Variants in TRIM24 observed in about 807,000 individuals in gnomAD.
TRIM24 encodes the protein tripartite motif containing 24.
TRIM24 carries 29 observed loss-of-function variants against 123.9 expected under a neutral mutation model. The observed-to-expected ratio is 0.23, with a 90% confidence interval of 0.17 to 0.32. TRIM24 has a LOEUF of 0.32. Ranked by LOEUF, TRIM24 falls within the 10% of genes least tolerant of loss-of-function variation. TRIM24 has a pLI of 1.00. For missense variants in TRIM24, 932 were observed against 1,295.3 expected, an observed-to-expected ratio of 0.72 and a Z score of 4.31; for synonymous variants, 456 against 461.1, an observed-to-expected ratio of 0.99 and a Z score of 0.14.
At chr7:138,480,190 C>G (rs1159546944) in intron 1 of TRIM24, among the ~76,000 whole-genome samples, 4 of 152,092 alleles carry the variant, frequency 2.6e-5, no homozygotes, top group Non-Finnish European at 4.4e-5. Context: ...TCTTGAACTC[C>G]TGAGGTCAAG....
intron 1 of TRIM24, among the ~76,000 whole-genome samples, chr7:138,464,817 T>A (rs555141914): frequency 3.9e-5 from 6 of 152,280 alleles, no homozygotes; most frequent in Admixed American, 3.3e-4. Context: ...TAAAAAAAAT[T>A]TAGATTTTTA....
At chr7:138,561,283 G>A (rs1250343060) in intron 9 of TRIM24, among the ~76,000 whole-genome samples, 1 of 152,114 alleles carries the variant, frequency 6.6e-6, no homozygotes, top group Non-Finnish European at 1.5e-5. Flanking sequence ...GCTTCCATCT[G>A]TAAAGTATTC....
At chr7:138,527,808 T>G (rs1204057696) in intron 5 of TRIM24, among the ~76,000 whole-genome samples, 1 of 152,172 alleles carries the variant, frequency 6.6e-6, no homozygotes, top group Admixed American at 6.5e-5. Flanking sequence ...GAGAGACCAG[T>G]AGGTGAAACA....
chr7:138,565,358 G>A (rs1797514598), intron 9 of TRIM24, among the ~76,000 whole-genome samples: 1 of 152,142 alleles, frequency 6.6e-6, no homozygotes, highest in Admixed American at 6.5e-5. Flanking sequence ...ATTCTTATGG[G>A]ACAGGTCCTG....
intron 17 of TRIM24, among the ~76,000 whole-genome samples, chr7:138,582,541 CAAAAAA>C (rs869142815): frequency 1.4e-5 from 1 of 70,042 alleles, no homozygotes; most frequent in Non-Finnish European, 3.1e-5. Flanking sequence ...GACTCCGTCT[CAAAAAA>C]AAAAAAAAAA....
At chr7:138,508,724 T>TGC (rs1554436744) in intron 2 of TRIM24, among the ~76,000 whole-genome samples, 2,114 of 148,742 alleles carry the variant, frequency 0.014, 32 homozygotes, top group Non-Finnish European at 0.022. Context: ...TGTGTGCGTG[T>TGC]GTGTGTGTGT....
At chr7:138,508,726 T>TGTGTGTGTGTGC (rs1584708191) in intron 2 of TRIM24, among the ~76,000 whole-genome samples, 1 of 149,060 alleles carries the variant, frequency 6.7e-6, no homozygotes, top group African/African-American at 2.5e-5. Context: ...TGTGCGTGTG[T>TGTGTGTGTGTGC]GTGTGTGTGT....
chr7:138,486,203 T>C (rs1282974511), intron 1 of TRIM24, among the ~76,000 whole-genome samples: 1 of 152,242 alleles, frequency 6.6e-6, no homozygotes, highest in African/African-American at 2.4e-5. Flanking sequence ...TTTTTTCTTG[T>C]AAATTTACAT....
At position 138,525,375 on chromosome 7, in the gene TRIM24, T is replaced by C. The variant is rs373895629; in HGVS notation, c.881+18T>C. The C allele has an allele frequency of 1.3e-5, 17 of 1,320,022 alleles. No individual in the cohort carries two copies. Among genetic ancestry groups the C allele is most frequent in the East Asian group, 5.3e-5 (2 of 37,654 alleles). The allele number at this position is 1,320,022 out of a possible 1,614,324, so 81.8% of individuals were successfully genotyped here. A position where few individuals can be genotyped will look rare whatever the true frequency, so the allele number is the denominator to read the frequency against. Reference sequence around the variant, plus strand: ...CAAAACAGGTAATTTTATGGTATTATGTAATCATTTTTATATAATTTGTTA... The same window carrying C: ...CAAAACAGGTAATTTTATGGTATTACGTAATCATTTTTATATAATTTGTTA... On this transcript the variant is annotated intron_variant, in intron 5 of 18. Transcript: ENST00000343526.
chr7:138,501,243 A>AT (rs982023226), intron 1 of TRIM24, among the ~76,000 whole-genome samples: 81 of 151,800 alleles, frequency 5.3e-4, no homozygotes, highest in African/African-American at 3.4e-4. Context: ...TTATTTATTT[A>AT]TTTTTTTTGA....
chr7:138,519,485 G>A (rs898639566), intron 4 of TRIM24, among the ~76,000 whole-genome samples, 164 bp downstream of exon 4: 3 of 152,038 alleles, frequency 2.0e-5, no homozygotes, highest in Non-Finnish European at 4.4e-5. Flanking sequence ...TTGATGTTTT[G>A]GGCTAGGTAA....
Position 138,584,846 on chromosome 7 carries a change from G to A in TRIM24, c.3048G>A (p.Arg1016=). The change falls in exon 19 of 19, where the codon AGG becomes AGA. Residue 1016 remains arginine, a synonymous_variant. Coordinates refer to ENST00000343526, the MANE Select transcript of TRIM24 (RefSeq NM_015905.3). The part of the protein sequence containing the change: ...PEKRFPKPEF[R]NESEDNKFSD... ...AAAGGTTTCCCAAACCAGAATTCAG[G>A]AATGAATCAGAAGATAATAAATTTA... 6.2e-7 allele frequency: 1 copy of A among 1,613,658 alleles called. No individual in the cohort carries two copies. The highest frequency in any genetic ancestry group is 1.1e-5 in the South Asian group (1 of 90,966).
At chr7:138,485,687 C>A (rs1007569988) in intron 1 of TRIM24, among the ~76,000 whole-genome samples, 5 of 152,188 alleles carry the variant, frequency 3.3e-5, no homozygotes, top group Admixed American at 1.3e-4. Context: ...TTTTTTATGG[C>A]TGCATAGTAT....
At chr7:138,509,074 G>A (rs112283430) in intron 2 of TRIM24, among the ~76,000 whole-genome samples, 2,113 of 151,834 alleles carry the variant, frequency 0.014, 63 homozygotes, top group African/African-American at 0.049. Context: ...TCAGCCTCCC[G>A]AGTAGCTGGG....
intron 1 of TRIM24, among the ~76,000 whole-genome samples, chr7:138,475,187 G>A (rs1795369310): frequency 6.6e-6 from 1 of 152,084 alleles, no homozygotes. Flanking sequence ...GGAATGGTGA[G>A]GGGGGAAGAA....
At chr7:138,494,873 C>G (rs1157640798) in intron 1 of TRIM24, among the ~76,000 whole-genome samples, 2 of 151,930 alleles carry the variant, frequency 1.3e-5, no homozygotes, top group Non-Finnish European at 2.9e-5. Flanking sequence ...GACATGTAGA[C>G]AAGAGTTATT....
chr7:138,480,422 A>T (rs1795501914), intron 1 of TRIM24, among the ~76,000 whole-genome samples: 1 of 152,218 alleles, frequency 6.6e-6, no homozygotes, highest in Non-Finnish European at 1.5e-5. Flanking sequence ...ATGTTGTTGC[A>T]TATAGCTATA....
intron 1 of TRIM24, among the ~76,000 whole-genome samples, chr7:138,464,161 A>AT (rs1380432771): frequency 6.6e-6 from 1 of 150,684 alleles, no homozygotes; most frequent in Non-Finnish European, 1.5e-5. Context: ...CGCCCGGCTA[A>AT]TTTTTTTATA....
chr7:138,546,504 T>C (rs764904778), intron 7 of TRIM24, among the ~76,000 whole-genome samples: 2 of 152,144 alleles, frequency 1.3e-5, no homozygotes, highest in Non-Finnish European at 2.9e-5. Flanking sequence ...AATCTGGGAT[T>C]TGGTTATGTT....
Sources: allele counts gnomAD v4.1 joint callset (sites outside exome capture counted in the v4.1 genomes callset), GRCh38; gene constraint gnomAD v4.1.1; transcripts MANE v1.5; gene names NCBI Gene and HGNC (gene_info 2026-07-23, HGNC 2026-07-21).